Variants in ANO4 observed in about 807,000 individuals in gnomAD.
The protein encoded by ANO4 is anoctamin-4.
ANO4 carries 69 observed loss-of-function variants against 141.9 expected under a neutral mutation model. The ratio of observed to expected loss-of-function variants is 0.49; its 90% CI spans 0.40 to 0.59. The LOEUF is 0.59. ANO4 is among the 20% of genes least tolerant of loss of function. The pLI is 0.00. For missense variants in ANO4, 894 were observed against 1,162.2 expected, an observed-to-expected ratio of 0.77 and a Z score of 3.36; for synonymous variants, 350 against 394.3, an observed-to-expected ratio of 0.89 and a Z score of 1.33.
chr12:100,828,363 C>T (rs1374148062), intron 1 of ANO4, among the ~76,000 whole-genome samples: 2 of 151,982 alleles, frequency 1.3e-5, no homozygotes, highest in African/African-American at 2.4e-5. Context: ...GTGACTCATG[C>T]GGGGAGAGTC....
intron 1 of ANO4, among the ~76,000 whole-genome samples, chr12:100,718,404 G>A (rs539251086): frequency 6.6e-6 from 1 of 152,296 alleles, no homozygotes; most frequent in South Asian, 2.1e-4. Context: ...CAGTTGTTGC[G>A]ATAAGATCTA....
intron 24 of ANO4, among the ~76,000 whole-genome samples, chr12:101,112,534 G>A (rs1478442112): frequency 6.6e-6 from 1 of 152,114 alleles, no homozygotes; most frequent in Non-Finnish European, 1.5e-5. Context: ...GTGTGTTTGG[G>A]GATCACAGGG....
chr12:100,771,221 G>T (rs535637388), intron 3 of ANO4, among the ~76,000 whole-genome samples: 1 of 152,240 alleles, frequency 6.6e-6, no homozygotes, highest in South Asian at 2.1e-4. Context: ...TGGCAGACCT[G>T]TTCATCAGAG....
rs1360414983 is a variant in ANO4 at position 101,054,531 on chromosome 12, GCT to G, written c.1312+6133_1312+6134del. 2.6e-5 allele frequency among the ~76,000 whole-genome samples: 4 copies of G among 152,182 alleles called. No individual in the cohort carries two copies. The East Asian group carries it at 7.7e-4, about 29-fold the overall frequency. ...TTTCTTTTTTTTGAGACGGAGTCTC[GCT>G]CTGTCCCCCAGGCTGGAGTGCAGTG... On this transcript the variant is annotated intron_variant, in intron 14 of 27. Transcript: ENST00000392977.
At chr12:100,912,776 A>AT (rs1324543181) in intron 2 of ANO4, among the ~76,000 whole-genome samples, 1 of 151,996 alleles carries the variant, frequency 6.6e-6, no homozygotes, top group Non-Finnish European at 1.5e-5. Flanking sequence ...TTGTGAATGG[A>AT]TTTTTGGGGT....
At chr12:100,823,757 G>A (rs914677387) in intron 1 of ANO4, among the ~76,000 whole-genome samples, 1 of 151,898 alleles carries the variant, frequency 6.6e-6, no homozygotes, top group Admixed American at 6.6e-5. Context: ...TATTAAATCT[G>A]AAAAACCTAT....
At chr12:100,899,655 CT>C (rs1191616398) in intron 1 of ANO4, among the ~76,000 whole-genome samples, 2 of 152,218 alleles carry the variant, frequency 1.3e-5, no homozygotes, top group African/African-American at 4.8e-5. Context: ...GTCATATCCT[CT>C]TTTTCCCCTG....
At position 100,994,647 on chromosome 12, in the gene ANO4, GTTAAA is replaced by G. The variant is rs1277972688; in HGVS notation, c.734+6984_734+6988del. 5.3e-5 allele frequency among the ~76,000 whole-genome samples: 8 copies of G among 152,182 alleles called. No homozygotes were observed. In the East Asian group the frequency reaches 1.5e-3, roughly 29 times the overall value. On this transcript the variant is annotated intron_variant, in intron 8 of 27. Transcript: ENST00000392977. Reference sequence around the variant, plus strand: ...TTTGTAAACACCCATAAAAATTGAGGTTAAATTAAATACCAGTTCTTAAGAGAAGA... The same window carrying G: ...TTTGTAAACACCCATAAAAATTGAGGTTAAATACCAGTTCTTAAGAGAAGA...
rs116921724 is a variant in ANO4 at position 100,739,515 on chromosome 12, A to G, written c.107-339A>G. On this transcript the variant is annotated intron_variant, in intron 2 of 29. Coordinates refer to the ANO4 transcript ENST00000644049. Reference sequence around the variant, plus strand: ...GAAATTGTGATAGTCCCCTTGTACAATTGCTGTGAGGATTCTAGATCAGTT... The same window carrying G: ...GAAATTGTGATAGTCCCCTTGTACAGTTGCTGTGAGGATTCTAGATCAGTT... Among the ~76,000 whole-genome samples the G allele has an allele frequency of 9.2e-5, 14 of 152,266 alleles. No individual in the cohort carries two copies. In the East Asian group the frequency reaches 2.7e-3, roughly 29 times the overall value.
At chr12:101,100,702 T>C (rs567066953) in intron 22 of ANO4, among the ~76,000 whole-genome samples, 2 of 152,312 alleles carry the variant, frequency 1.3e-5, no homozygotes, top group Non-Finnish European at 2.9e-5. Context: ...TGAAGTATCT[T>C]TGCAACACAA....
intron 3 of ANO4, among the ~76,000 whole-genome samples, chr12:100,749,913 T>C (rs954755300): frequency 2.6e-5 from 4 of 152,288 alleles, no homozygotes; most frequent in Middle Eastern, 3.4e-3. Context: ...ATAGCTTCAA[T>C]AGCACTTCGT....
intron 11 of ANO4, among the ~76,000 whole-genome samples, 160 bp downstream of exon 11, chr12:101,040,236 C>T (rs1375064754): frequency 2.0e-5 from 3 of 152,206 alleles, no homozygotes; most frequent in Admixed American, 6.5e-5. Context: ...AGGACATCAG[C>T]TGTTCTTGGT....
chr12:100,999,890 A>T (rs1379755232), intron 8 of ANO4, among the ~76,000 whole-genome samples: 1 of 150,922 alleles, frequency 6.6e-6, no homozygotes, highest in East Asian at 1.9e-4. Context: ...ACTAAAAAAA[A>T]AAAAAAACTT....
At chr12:101,072,949 G>C (rs1185441525) in intron 14 of ANO4, among the ~76,000 whole-genome samples, 6 of 152,180 alleles carry the variant, frequency 3.9e-5, no homozygotes, top group Non-Finnish European at 7.3e-5. Flanking sequence ...TGCTGGAGAG[G>C]ATGTGGAGAA....
intron 1 of ANO4, among the ~76,000 whole-genome samples, chr12:100,849,721 A>C (rs1407129368): frequency 6.6e-6 from 1 of 152,178 alleles, no homozygotes; most frequent in African/African-American, 2.4e-5. Flanking sequence ...CATTTTGCGC[A>C]TGCACATGTA....
rs149929804 is a variant in ANO4 at position 100,768,511 on chromosome 12, C to T, written c.358+28406C>T. On this transcript the variant is annotated intron_variant, in intron 3 of 29. Transcript: ENST00000644049. The stretch of plus-strand genomic sequence containing the variant: ...CTGCCATCTGATGAACATCATTCTA[C>T]CATACTGTGTTTAAATTTATATGCC... Among the ~76,000 whole-genome samples, 3 of 152,278 alleles carry T rather than the reference C, an allele frequency of 2.0e-5. No homozygotes were observed. The East Asian group carries it at 5.8e-4, about 29-fold the overall frequency.
At chr12:101,067,107 G>A in intron 14 of ANO4, 2 of 373,642 alleles carry the variant, frequency 5.4e-6, no homozygotes, top group Non-Finnish European at 9.8e-6. Flanking sequence ...TTAGTTTAAA[G>A]AGACTTATAT....
chr12:100,951,215 G>A (rs1215768343), intron 5 of ANO4, among the ~76,000 whole-genome samples: 1 of 152,174 alleles, frequency 6.6e-6, no homozygotes, highest in Non-Finnish European at 1.5e-5. Context: ...GTGGAGAAAA[G>A]GGAATGTTTA....
At chr12:100,751,411 A>C (rs2032370187) in intron 3 of ANO4, among the ~76,000 whole-genome samples, 1 of 152,160 alleles carries the variant, frequency 6.6e-6, no homozygotes, top group South Asian at 2.1e-4. Flanking sequence ...ATTCTGGTTC[A>C]GTTTGTAGTT....
Sources: gnomAD v4.1 joint callset for allele counts (sites outside exome capture counted in the v4.1 genomes callset) on GRCh38, gnomAD v4.1.1 for gene constraint, MANE v1.5 for transcripts, NCBI Gene and HGNC (gene_info 2026-07-23, HGNC 2026-07-21) for gene names.